Variants in ROBO1 observed in about 807,000 individuals in gnomAD.
The protein encoded by ROBO1 is roundabout homolog 1.
ROBO1 carries 149 observed loss-of-function variants against 195.9 expected under a neutral mutation model. The observed-to-expected ratio is 0.76, with a 90% CI of 0.67 to 0.87. The LOEUF is 0.87. Among genes scored for constraint, ROBO1 ranks in the 40% least tolerant of loss-of-function variants. ROBO1 has a pLI of 0.00. For missense variants in ROBO1, 1,933 were observed against 2,068.3 expected (o/e 0.93, Z 1.27); for synonymous variants, 816 against 733.2 (o/e 1.11, Z -1.82).
intron 2 of ROBO1, among the ~76,000 whole-genome samples, chr3:79,521,847 A>G (rs1941222889): frequency 6.6e-6 from 1 of 152,152 alleles, no homozygotes; most frequent in Non-Finnish European, 1.5e-5. Context: ...TGCTGGTTCC[A>G]GGATGCTACC....
intron 2 of ROBO1, among the ~76,000 whole-genome samples, chr3:79,315,582 G>A (rs771963392): frequency 2.6e-5 from 4 of 152,154 alleles, no homozygotes; most frequent in East Asian, 3.9e-4. Context: ...GTGACTCCTC[G>A]ATATTTATGT....
intron 1 of ROBO1, among the ~76,000 whole-genome samples, chr3:79,720,211 G>C (rs1365460289): frequency 6.6e-6 from 1 of 152,136 alleles, no homozygotes; most frequent in Non-Finnish European, 1.5e-5. Context: ...TATGTCATAA[G>C]AAGTTTTGCA....
intron 1 of ROBO1, among the ~76,000 whole-genome samples, chr3:79,596,325 A>G (rs1944168716): frequency 6.6e-6 from 1 of 152,088 alleles, no homozygotes; most frequent in African/African-American, 2.4e-5. Flanking sequence ...ATAATTTATT[A>G]CACATGAATG....
intron 4 of ROBO1, chr3:78,759,038 G>A (rs192307922): frequency 6.6e-6 from 1 of 152,266 alleles, no homozygotes; most frequent in African/African-American, 2.4e-5. Context: ...TTTGCAAGAG[G>A]TGCTGGAGAG....
intron 3 of ROBO1, among the ~76,000 whole-genome samples, chr3:79,096,654 A>G (rs529181146): frequency 2.0e-5 from 3 of 151,452 alleles, no homozygotes; most frequent in African/African-American, 7.2e-5. Context: ...GGAAGACTAG[A>G]CAATCATATA....
At chr3:79,149,999 A>G (rs1053188154) in intron 2 of ROBO1, among the ~76,000 whole-genome samples, 2 of 151,784 alleles carry the variant, frequency 1.3e-5, no homozygotes, top group African/African-American at 2.4e-5. Context: ...GGTAAAAATC[A>G]TAAAAGGTGA....
intron 4 of ROBO1, among the ~76,000 whole-genome samples, chr3:78,808,863 C>T (rs2084635619): frequency 6.6e-6 from 1 of 152,124 alleles, no homozygotes. Context: ...GGATTAAAGA[C>T]TTAAAAGTAA....
At chr3:78,636,176 C>T (rs1281614471) in intron 22 of ROBO1, 68 bp from the exon 23 acceptor site, 49 of 1,145,920 alleles carry the variant, frequency 4.3e-5, no homozygotes, top group Non-Finnish European at 5.5e-5. Flanking sequence ...TTTCTTTTTA[C>T]GTAGCTTTGC....
chr3:78,653,236 C>T (rs529995850), intron 18 of ROBO1, among the ~76,000 whole-genome samples: 1 of 151,290 alleles, frequency 6.6e-6, no homozygotes, highest in African/African-American at 2.4e-5. Flanking sequence ...CCCTGCCTCC[C>T]TCCAGTTCCT....
intron 3 of ROBO1, among the ~76,000 whole-genome samples, chr3:79,026,285 A>G (rs1360336142): frequency 1.3e-5 from 2 of 152,052 alleles, no homozygotes; most frequent in East Asian, 1.9e-4. Context: ...ATCTCATTTT[A>G]TACATGAAGG....
intron 2 of ROBO1, among the ~76,000 whole-genome samples, chr3:79,308,984 T>A (rs1356563162): frequency 6.6e-6 from 1 of 152,168 alleles, no homozygotes; most frequent in Non-Finnish European, 1.5e-5. Flanking sequence ...TAGGATATAT[T>A]TCCTGATGAA....
intron 2 of ROBO1, among the ~76,000 whole-genome samples, chr3:79,356,731 C>T (rs1373622419): frequency 1.3e-5 from 2 of 152,106 alleles, no homozygotes; most frequent in Admixed American, 1.3e-4. Flanking sequence ...GCAATCCTGA[C>T]ATTTGCTAGC....
At chr3:79,394,016 A>C (rs2037048823) in intron 2 of ROBO1, among the ~76,000 whole-genome samples, 1 of 152,128 alleles carries the variant, frequency 6.6e-6, no homozygotes, top group Non-Finnish European at 1.5e-5. Context: ...ATGAATGGTG[A>C]CTCTGAAGAT....
intron 4 of ROBO1, among the ~76,000 whole-genome samples, chr3:78,754,782 T>C (rs111996234): frequency 1.3e-5 from 2 of 152,094 alleles, no homozygotes; most frequent in African/African-American, 4.8e-5. Flanking sequence ...TATAGGAGGC[T>C]GTGTGAGAGA....
At chr3:78,997,727 T>C (rs1213725614) in intron 3 of ROBO1, among the ~76,000 whole-genome samples, 2 of 152,036 alleles carry the variant, frequency 1.3e-5, no homozygotes, top group African/African-American at 2.4e-5. Flanking sequence ...ACTTGAAGAA[T>C]TGGAGTTGGG....
intron 3 of ROBO1, among the ~76,000 whole-genome samples, chr3:79,105,403 A>G (rs982731789): frequency 1.3e-5 from 2 of 151,760 alleles, no homozygotes; most frequent in Non-Finnish European, 3.0e-5. Context: ...ATTAAGTGAT[A>G]TAATACGATT....
intron 2 of ROBO1, among the ~76,000 whole-genome samples, chr3:79,588,657 C>A (rs1305946916): frequency 6.6e-6 from 1 of 151,530 alleles, no homozygotes; most frequent in Non-Finnish European, 1.5e-5. Context: ...TTGATTCATA[C>A]ACTAATCTTA....
chr3:79,440,519 C>A lies in ROBO1; in HGVS notation c.88+149305G>T, dbSNP rs771562899. On this transcript the variant is annotated intron_variant, in intron 2 of 30. Coordinates refer to ENST00000464233, the MANE Select transcript of ROBO1 (RefSeq NM_002941.4). ...CTCTTACTTTAATCCCTGATCTATT[C>A]GCCTTCTGTAGCTGTCCCCTGCAAG... 3.3e-5 allele frequency among the ~76,000 whole-genome samples: 5 copies of A among 152,206 alleles called. No individual in the cohort carries two copies. In the South Asian group the frequency reaches 6.2e-4, roughly 19 times the overall value.
At chr3:79,465,378 G>A (rs1248302062) in intron 2 of ROBO1, among the ~76,000 whole-genome samples, 1 of 152,070 alleles carries the variant, frequency 6.6e-6, no homozygotes, top group Non-Finnish European at 1.5e-5. Context: ...TTTCTTAGTA[G>A]TGTTTTCCTT....
Sources: allele counts gnomAD v4.1 joint callset (sites outside exome capture counted in the v4.1 genomes callset), GRCh38; gene constraint gnomAD v4.1.1; transcripts MANE v1.5; gene names NCBI Gene and HGNC (gene_info 2026-07-23, HGNC 2026-07-21).